GTF2B: variants seen among roughly 807,000 people sequenced by gnomAD.
GTF2B encodes the protein general transcription factor IIB.
In GTF2B, 20 loss-of-function variants were observed where a neutral mutation model predicts 34.6. The ratio of observed to expected loss-of-function variants is 0.58; its 90% CI spans 0.41 to 0.84. The LOEUF (loss-of-function observed/expected upper bound fraction) is 0.84. GTF2B is among the 40% of genes least tolerant of loss of function. The pLI is 0.00. For synonymous variants in GTF2B, 142 were observed against 132.4 expected (o/e 1.07, Z -0.50); for missense variants, 237 against 393.3 (o/e 0.60, Z 3.36).
intron 2 of GTF2B, among the ~76,000 whole-genome samples, chr1:88,869,264 A>G (rs923816894): frequency 6.6e-6 from 1 of 152,224 alleles, no homozygotes; most frequent in African/African-American, 2.4e-5. Flanking sequence ...GTCATATTGT[A>G]TCAGAGACTA....
At position 88,890,193 on chromosome 1, in the gene GTF2B, T is replaced by C. The variant is rs144525174; in HGVS notation, c.17+1290A>G. Reference sequence around the variant, plus strand: ...AAAGCCATGGTAGAATTTTAAGTCGTATTTGAGTGATCTGGGGAGCCCAAG... The same window carrying C: ...AAAGCCATGGTAGAATTTTAAGTCGCATTTGAGTGATCTGGGGAGCCCAAG... On this transcript the variant is annotated intron_variant, in intron 1 of 6. Transcript: ENST00000370500. 6.2e-3 allele frequency among the ~76,000 whole-genome samples: 922 copies of C among 149,544 alleles called. 4 individuals carry two copies. Among genetic ancestry groups the C allele is most frequent in the Middle Eastern group, 0.018 (5 of 282 alleles).
At chr1:88,858,114 T>C (rs1269483058) in intron 5 of GTF2B, among the ~76,000 whole-genome samples, 1 of 151,456 alleles carries the variant, frequency 6.6e-6, no homozygotes, top group African/African-American at 2.4e-5. Flanking sequence ...CAAGCGATTC[T>C]CCTGCCACCC....
At chr1:88,887,506 C>T in intron 1 of GTF2B, 139 bp from the exon 2 acceptor site, 1 of 622,222 alleles carries the variant, frequency 1.6e-6, no homozygotes, top group Non-Finnish European at 2.9e-6. Context: ...GCTAGATTTT[C>T]AAAGTAAACA....
At chr1:88,879,172 G>A (rs1418987726) in intron 2 of GTF2B, among the ~76,000 whole-genome samples, 1 of 151,924 alleles carries the variant, frequency 6.6e-6, no homozygotes, top group Admixed American at 6.6e-5. Context: ...AGAAGAAGGA[G>A]GTTTGACAGA....
chr1:88,890,710 T>C lies in GTF2B; in HGVS notation c.17+773A>G, dbSNP rs142306618. ...GTGGTAATGAGAGACATAATTAGGGTCTGCAAGCATTTTTCAGGTCACAAG... is the reference window on the plus strand; with the variant it reads ...GTGGTAATGAGAGACATAATTAGGGCCTGCAAGCATTTTTCAGGTCACAAG... On this transcript the variant is annotated intron_variant, in intron 1 of 6. Transcript: ENST00000370500. 6.6e-5 allele frequency among the ~76,000 whole-genome samples: 10 copies of C among 152,272 alleles called. No homozygotes were observed. The East Asian group carries it at 1.9e-3, about 29-fold the overall frequency.
At chr1:88,867,158 CTT>C (rs1673579318) in intron 2 of GTF2B, among the ~76,000 whole-genome samples, 1 of 152,170 alleles carries the variant, frequency 6.6e-6, no homozygotes, top group African/African-American at 2.4e-5. Flanking sequence ...ATTTTTCTTC[CTT>C]TTTACAAAAT....
intron 2 of GTF2B, among the ~76,000 whole-genome samples, chr1:88,870,819 A>T (rs1308295399): frequency 6.6e-6 from 1 of 152,006 alleles, no homozygotes; most frequent in East Asian, 1.9e-4. Flanking sequence ...TTCTACTCTA[A>T]GTATCTTAAA....
intron 2 of GTF2B, among the ~76,000 whole-genome samples, chr1:88,886,900 G>A (rs1039037916): frequency 3.3e-5 from 5 of 151,822 alleles, no homozygotes; most frequent in African/African-American, 9.7e-5. Flanking sequence ...CAAAAGTGAA[G>A]GACCCTAAAC....
At chr1:88,868,052 T>C (rs1446056521) in intron 2 of GTF2B, among the ~76,000 whole-genome samples, 2 of 152,294 alleles carry the variant, frequency 1.3e-5, no homozygotes, top group South Asian at 2.1e-4. Flanking sequence ...AGTGCATGAG[T>C]AACAAGAAAC....
chr1:88,856,926 T>C (rs894911472), intron 6 of GTF2B, among the ~76,000 whole-genome samples: 1 of 151,596 alleles, frequency 6.6e-6, no homozygotes, highest in Non-Finnish European at 1.5e-5. Context: ...CTCAGCCTCC[T>C]GAATAGCTGG....
Position 88,860,350 on chromosome 1 carries a change from A to T in GTF2B, c.259-64T>A, listed in dbSNP as rs572079375. 7 of 1,130,348 alleles carry T rather than the reference A, an allele frequency of 6.2e-6. No individual in the cohort carries two copies. The South Asian group carries it at 9.3e-5, about 15-fold the overall frequency. 70.0% of individuals were successfully genotyped at this position (1,130,348 alleles called of 1,614,324 possible). A position where few individuals can be genotyped will look rare whatever the true frequency, so the allele number is the denominator to read the frequency against. ...AAAGCATGAAAAATGGACAATTTCT[A>T]TGAAAATATAGCTTACAAGATCTGA... On this transcript the variant is annotated intron_variant, in intron 3 of 6. Transcript: ENST00000370500.
chr1:88,856,778 G>A (rs1673321698), intron 6 of GTF2B, among the ~76,000 whole-genome samples: 2 of 149,686 alleles, frequency 1.3e-5, no homozygotes, highest in African/African-American at 2.5e-5. Flanking sequence ...ACATTTTGAC[G>A]TTGAGGAATG....
At chr1:88,868,489 A>G (rs1673608219) in intron 2 of GTF2B, among the ~76,000 whole-genome samples, 1 of 150,730 alleles carries the variant, frequency 6.6e-6, no homozygotes, top group South Asian at 2.1e-4. Context: ...CGCACCCAAT[A>G]TGTGTATTTA....
At chr1:88,855,867 G>T (rs1042513109) in intron 6 of GTF2B, among the ~76,000 whole-genome samples, 5 of 152,208 alleles carry the variant, frequency 3.3e-5, no homozygotes, top group African/African-American at 1.2e-4. Flanking sequence ...TGTTGGCCAG[G>T]AGGCTGGTCA....
intron 2 of GTF2B, among the ~76,000 whole-genome samples, chr1:88,869,121 TACAG>T (rs1673629359): frequency 6.7e-6 from 1 of 149,084 alleles, no homozygotes; most frequent in South Asian, 2.1e-4. Flanking sequence ...ACTGAACATG[TACAG>T]ACATTTTTTT....
intron 2 of GTF2B, among the ~76,000 whole-genome samples, chr1:88,877,622 A>G (rs1355035639): frequency 2.6e-5 from 4 of 152,198 alleles, no homozygotes; most frequent in Non-Finnish European, 5.9e-5. Flanking sequence ...AACCCCCACA[A>G]AAGAGTGCTG....
rs576970793 is a variant in GTF2B at position 88,855,846 on chromosome 1, G to A, written c.817+1360C>T. Among the ~76,000 whole-genome samples, 5 of 152,304 alleles carry A rather than the reference G, an allele frequency of 3.3e-5. No homozygotes were observed. The East Asian group carries it at 9.6e-4, about 29-fold the overall frequency. ...TTTTTTTGTGTTTTTAGTAGAGACAGGGTTTTGCCATGTTGGCCAGGAGGC... is the reference window on the plus strand; with the variant it reads ...TTTTTTTGTGTTTTTAGTAGAGACAAGGTTTTGCCATGTTGGCCAGGAGGC... On this transcript the variant is annotated intron_variant, in intron 6 of 6. Transcript: ENST00000370500.
At chr1:88,888,952 T>TA (rs1284967299) in intron 1 of GTF2B, among the ~76,000 whole-genome samples, 2 of 152,228 alleles carry the variant, frequency 1.3e-5, no homozygotes, top group East Asian at 3.8e-4. Flanking sequence ...CTGATTTCCT[T>TA]ACCTGGGTAG....
intron 2 of GTF2B, among the ~76,000 whole-genome samples, chr1:88,875,472 C>T (rs1673796525): frequency 6.6e-6 from 1 of 152,192 alleles, no homozygotes; most frequent in African/African-American, 2.4e-5. Flanking sequence ...ATAGGAGCAG[C>T]AGCATCTAAG....
Sources: allele counts gnomAD v4.1 joint callset (sites outside exome capture counted in the v4.1 genomes callset), GRCh38; gene constraint gnomAD v4.1.1; transcripts MANE v1.5; gene names NCBI Gene and HGNC (gene_info 2026-07-23, HGNC 2026-07-21).